KCNN2: variants seen among roughly 807,000 people sequenced by gnomAD.
KCNN2 encodes potassium calcium-activated channel subfamily N member 2, also known as small conductance calcium-activated potassium channel protein 2.
A neutral mutation model predicts 55.5 loss-of-function variants in KCNN2; 24 were observed. The observed-to-expected ratio is 0.43, with a 90% CI of 0.31 to 0.61. The LOEUF (loss-of-function observed/expected upper bound fraction) is 0.61. KCNN2 is among the 20% of genes least tolerant of loss of function. KCNN2 has a pLI of 0.08. For missense variants in KCNN2, 754 were observed against 853.6 expected (o/e 0.88, Z 1.45); for synonymous variants, 431 against 336.1 (o/e 1.28, Z -3.09).
At chr5:114,123,847 G>A (rs1374201530) in intron 1 of KCNN2, among the ~76,000 whole-genome samples, 1 of 151,974 alleles carries the variant, frequency 6.6e-6, no homozygotes, top group Non-Finnish European at 1.5e-5. Context: ...TGTCCCCTTG[G>A]GGACTCCCTG....
In KCNN2 at chr5:114,451,568, T is replaced by C. The variant is rs144642125; in HGVS notation, c.1638-11481T>C. ...AAAATCAAGGTGAAAATACTCACTT[T>C]GGCATTTTAGAGTCAATAAAGAATT... On this transcript the variant is annotated intron_variant, in intron 3 of 7. Coordinates refer to ENST00000673685, the MANE Select transcript of KCNN2 (RefSeq NM_021614.4). 4.4e-3 allele frequency among the ~76,000 whole-genome samples: 663 copies of C among 152,308 alleles called. 3 individuals are homozygous for C. The highest frequency in any genetic ancestry group is 0.015 in the African/African-American group (633 of 41,556).
intron 1 of KCNN2, among the ~76,000 whole-genome samples, chr5:114,147,597 C>T (rs1333990051): frequency 6.6e-6 from 1 of 152,142 alleles, no homozygotes; most frequent in Non-Finnish European, 1.5e-5. Context: ...GTCCCTCTTT[C>T]ACTCATTGTT....
At chr5:114,444,535 C>G (rs533843227) in intron 3 of KCNN2, among the ~76,000 whole-genome samples, 1 of 151,914 alleles carries the variant, frequency 6.6e-6, no homozygotes, top group Non-Finnish European at 1.5e-5. Context: ...AGAGGCCAGG[C>G]CAAAAAGAAT....
intron 2 of KCNN2, among the ~76,000 whole-genome samples, chr5:114,249,953 C>A (rs367663626): frequency 1.3e-5 from 2 of 152,060 alleles, no homozygotes; most frequent in African/African-American, 2.4e-5. Flanking sequence ...ACATATGATA[C>A]GTATAACATT....
chr5:114,331,597 C>G (rs1228087052), intron 2 of KCNN2, among the ~76,000 whole-genome samples: 1 of 152,150 alleles, frequency 6.6e-6, no homozygotes, highest in Non-Finnish European at 1.5e-5. Context: ...AATAATCTAC[C>G]TAAGAAAATC....
chr5:114,164,779 C>G (rs1752873679), intron 1 of KCNN2, among the ~76,000 whole-genome samples: 1 of 152,084 alleles, frequency 6.6e-6, no homozygotes, highest in Non-Finnish European at 1.5e-5. Flanking sequence ...TTTTATTAAG[C>G]AGTATAGCTA....
chr5:114,383,598 A>T (rs1758193344), intron 2 of KCNN2, among the ~76,000 whole-genome samples: 1 of 150,986 alleles, frequency 6.6e-6, no homozygotes, highest in African/African-American at 2.4e-5. Flanking sequence ...CTTCCCAAGT[A>T]GCTGGGATTA....
intron 2 of KCNN2, among the ~76,000 whole-genome samples, chr5:114,387,716 T>G (rs1758327796): frequency 6.6e-6 from 1 of 152,096 alleles, no homozygotes; most frequent in Non-Finnish European, 1.5e-5. Context: ...TTGTTGTACA[T>G]AAGAAAGAAC....
chr5:114,483,074 T>C (rs1047835218), intron 5 of KCNN2, among the ~76,000 whole-genome samples: 1 of 152,006 alleles, frequency 6.6e-6, no homozygotes, highest in Non-Finnish European at 1.5e-5. Context: ...TCTAGCAGCC[T>C]CAAGTGCTTT....
At chr5:114,217,717 A>G (rs1754035590) in intron 1 of KCNN2, among the ~76,000 whole-genome samples, 1 of 152,172 alleles carries the variant, frequency 6.6e-6, no homozygotes. Flanking sequence ...GTACAACACT[A>G]AAGGCGTGAT....
At chr5:114,130,892 C>G (rs1752058158) in intron 1 of KCNN2, among the ~76,000 whole-genome samples, 1 of 152,154 alleles carries the variant, frequency 6.6e-6, no homozygotes, top group Non-Finnish European at 1.5e-5. Flanking sequence ...AAGCTCGGTG[C>G]TTTCATCTTA....
At chr5:114,327,179 C>A (rs1756730557) in intron 2 of KCNN2, among the ~76,000 whole-genome samples, 1 of 152,178 alleles carries the variant, frequency 6.6e-6, no homozygotes, top group Non-Finnish European at 1.5e-5. Context: ...GAAATGATCC[C>A]AGGACTTACC....
At chr5:114,154,992 A>AAGACTAGT (rs1236802812) in intron 1 of KCNN2, among the ~76,000 whole-genome samples, 1 of 151,776 alleles carries the variant, frequency 6.6e-6, no homozygotes, top group Non-Finnish European at 1.5e-5. Flanking sequence ...CCCAGGTATT[A>AAGACTAGT]AGACTAGTAT....
chr5:114,334,158 T>C (rs758738895), intron 2 of KCNN2, among the ~76,000 whole-genome samples: 1 of 152,158 alleles, frequency 6.6e-6, no homozygotes, highest in Non-Finnish European at 1.5e-5. Flanking sequence ...AATGGATTAG[T>C]TATTATTTTA....
chr5:114,073,533 A>G (rs549326405), intron 1 of KCNN2, among the ~76,000 whole-genome samples: 1 of 152,312 alleles, frequency 6.6e-6, no homozygotes, highest in Admixed American at 6.5e-5. Context: ...TATCATTTAC[A>G]GTTCTTCAGG....
intron 2 of KCNN2, among the ~76,000 whole-genome samples, chr5:114,349,120 G>C (rs76551510): frequency 0.028 from 4,243 of 152,070 alleles, 193 homozygotes; most frequent in African/African-American, 0.097. Flanking sequence ...TTTATCTTTA[G>C]CTTTGCCTAT....
Position 114,363,258 on chromosome 5 carries a change from C to G in KCNN2, c.1119C>G (p.Asp373Glu), listed in dbSNP as rs1264263200. The G allele has an allele frequency of 1.2e-6, 2 of 1,606,680 alleles. No individual in the cohort carries two copies. Among genetic ancestry groups the G allele is most frequent in the Non-Finnish European group, 1.7e-6 (2 of 1,176,966 alleles). Residue 373 changes from aspartate to glutamate, a missense_variant, in exon 1 of 8, where the codon GAC becomes GAG. Physicochemically the swap from Asp to Glu is conservative, Grantham distance 45 (BLOSUM62 2). This residue lies in a region of KCNN2 where 123 missense variants were observed against 204.9 expected (regional missense o/e 0.60). Transcript: ENST00000673685. ...CCGAGCTGTCGTGGGGCGCCTACGA[C>G]AAGGTACAGGCTTGAACCCCAGCCC... Reference protein sequence around the residue: ...IETELSWGAYDKASLYSLALK... With the variant: ...IETELSWGAYEKASLYSLALK...
intron 2 of KCNN2, among the ~76,000 whole-genome samples, chr5:114,387,275 C>G (rs1561601024): frequency 6.6e-6 from 1 of 152,182 alleles, no homozygotes; most frequent in Non-Finnish European, 1.5e-5. Flanking sequence ...CTGCTTGTGA[C>G]AAACTTGCCA....
intron 1 of KCNN2, among the ~76,000 whole-genome samples, chr5:114,197,390 T>A (rs1330218206): frequency 6.6e-6 from 1 of 152,212 alleles, no homozygotes; most frequent in African/African-American, 2.4e-5. Context: ...TAGTTTTCTG[T>A]CAAGTTGTTC....
Sources: gnomAD v4.1 joint callset for allele counts (sites outside exome capture counted in the v4.1 genomes callset) on GRCh38, gnomAD v4.1.1 for gene constraint, gnomAD v4.1.1 regional missense constraint, MANE v1.5 for transcripts, NCBI Gene and HGNC (gene_info 2026-07-23, HGNC 2026-07-21) for gene names.